CLEC12A: variants seen among roughly 807,000 people sequenced by gnomAD.
CLEC12A encodes C-type lectin protein CLL-1.
In CLEC12A, 22 loss-of-function variants were observed where a neutral mutation model predicts 26.5. The ratio of observed to expected loss-of-function variants is 0.83; its 90% CI spans 0.59 to 1.19. The LOEUF (loss-of-function observed/expected upper bound fraction) is 1.19. Ranked by LOEUF, CLEC12A falls within the 50% of genes most tolerant of loss-of-function variation. The pLI is 0.00. For synonymous variants in CLEC12A, 119 were observed against 101.9 expected, an observed-to-expected ratio of 1.17 and a Z score of -1.01; for missense variants, 353 against 315.6, an observed-to-expected ratio of 1.12 and a Z score of -0.90.
chr12:9,980,633 G>A lies in CLEC12A; in HGVS notation c.431G>A (p.Cys144Tyr), dbSNP rs1472904723. ...AGATGGATTTGGCATAAGGACAGCT[G>A]TTATTTCCTAAGTGATGATGTCCAA... ...PRRWIWHKDS[C>Y]YFLSDDVQTW... Residue 144 changes from cysteine (C) to tyrosine (Y), a missense_variant, in exon 4 of 6, where the codon TGT becomes TAT. By Grantham distance (194) the Cys-to-Tyr change is radical. Transcript: ENST00000304361. 2 of 1,613,760 alleles carry A rather than the reference G, an allele frequency of 1.2e-6. No homozygotes were observed. Among genetic ancestry groups the A allele is most frequent in the African/African-American group, 2.7e-5 (2 of 74,922 alleles).
At chr12:9,992,244 T>C (rs1232963843) in intron 4 of CLEC12A, 1 of 152,166 alleles carries the variant, frequency 6.6e-6, no homozygotes, top group Non-Finnish European at 1.5e-5. Flanking sequence ...TCCTTCTGTC[T>C]AGTAGCCTCT....
At chr12:9,956,730 G>T (rs528828144) in intron 1 of CLEC12A, among the ~76,000 whole-genome samples, 5 of 152,180 alleles carry the variant, frequency 3.3e-5, no homozygotes, top group Non-Finnish European at 5.9e-5. Context: ...AAATAAATTG[G>T]TCCTACTGTG....
intron 4 of CLEC12A, chr12:9,994,894 G>T (rs1864998081): frequency 1.0e-6 from 1 of 958,376 alleles, no homozygotes; most frequent in South Asian, 1.6e-5. Context: ...TGGTAAGGTT[G>T]AATGTAAAAA....
At chr12:9,966,367 G>A (rs1411664970) in intron 1 of CLEC12A, among the ~76,000 whole-genome samples, 1 of 151,320 alleles carries the variant, frequency 6.6e-6, no homozygotes, top group Admixed American at 6.6e-5. Context: ...GAAGGAGTCA[G>A]TCAGAGAGCC....
chr12:9,971,475 C>G lies in CLEC12A; in HGVS notation c.-122C>G. 2.8e-6 allele frequency: 4 copies of G among 1,414,888 alleles called. No homozygotes were observed. The highest frequency in any genetic ancestry group is 3.7e-6 in the Non-Finnish European group (4 of 1,086,284). 87.6% of individuals were successfully genotyped at this position (1,414,888 alleles called of 1,614,324 possible). A position where few individuals can be genotyped will look rare whatever the true frequency, so the allele number is the denominator to read the frequency against. ...ATAAACAGAAGTTTAAACTTGTAAGCTTAAGCTTCCGTTTATAAACAGAAG... is the reference window on the plus strand; with the variant it reads ...ATAAACAGAAGTTTAAACTTGTAAGGTTAAGCTTCCGTTTATAAACAGAAG... On this transcript the variant is annotated 5_prime_UTR_variant, in exon 1 of 6. Transcript: ENST00000304361.
chr12:9,961,705 TA>T (rs1418945122), intron 1 of CLEC12A, among the ~76,000 whole-genome samples: 1 of 144,610 alleles, frequency 6.9e-6, no homozygotes. Flanking sequence ...TTTTAATACA[TA>T]AGGCCTGTTA....
intron 5 of CLEC12A, chr12:9,983,385 A>G (rs947851212): frequency 1.8e-6 from 1 of 567,600 alleles, no homozygotes; most frequent in Non-Finnish European, 3.1e-6. Flanking sequence ...GTGTAGTATA[A>G]TGAGGAATGT....
At chr12:9,996,346 C>A (rs570828730), downstream of CLEC12A, among the ~76,000 whole-genome samples, 1 of 152,198 alleles carries the variant, frequency 6.6e-6, no homozygotes, top group Non-Finnish European at 1.5e-5. Context: ...AAATCTTCAA[C>A]CTGGCATCTG....
intron 5 of CLEC12A, 106 bp from the exon 6 acceptor site, chr12:9,984,764 A>T: frequency 1.9e-6 from 2 of 1,038,514 alleles, no homozygotes; most frequent in East Asian, 6.6e-5. Flanking sequence ...TTTAAACAAC[A>T]CAGAGTCTAG....
exon 5 of CLEC12A, chr12:9,995,634 A>G: frequency 3.8e-6 from 1 of 266,586 alleles, no homozygotes; most frequent in Non-Finnish European, 7.3e-6. Flanking sequence ...CTTAGAGTTA[A>G]AGCCCTACCT....
chr12:9,988,858 G>A (rs192083981), downstream of CLEC12A, among the ~76,000 whole-genome samples: 13 of 152,256 alleles, frequency 8.5e-5, no homozygotes, highest in African/African-American at 2.9e-4. Context: ...CCATCCCATT[G>A]CTGGGTATAT....
chr12:9,997,004 G>C (rs766613050), downstream of CLEC12A: 1 of 1,613,714 alleles, frequency 6.2e-7, no homozygotes, highest in South Asian at 1.1e-5. Flanking sequence ...TGACCTTCTG[G>C]AGAAACCAAG....
At chr12:10,002,342 G>C in the CLEC12A span, among the ~76,000 whole-genome samples, 2 of 149,728 alleles carry the variant, frequency 1.3e-5, no homozygotes. Context: ...TTGGTGCTGA[G>C]TATTCATGGA....
At chr12:9,985,894 C>A, downstream of CLEC12A, 1 of 162,436 alleles carries the variant, frequency 6.2e-6, no homozygotes. Flanking sequence ...AGCAACTAAA[C>A]TTGTTTTACC....
intron 1 of CLEC12A, among the ~76,000 whole-genome samples, chr12:9,958,303 C>A (rs1189419813): frequency 6.6e-6 from 1 of 152,164 alleles, no homozygotes; most frequent in Admixed American, 6.5e-5. Flanking sequence ...CAGATGGGTA[C>A]ATATAATCCG....
intron 1 of CLEC12A, among the ~76,000 whole-genome samples, chr12:9,972,323 T>G (rs1234763413): frequency 2.0e-5 from 3 of 152,174 alleles, no homozygotes; most frequent in Non-Finnish European, 2.9e-5. Flanking sequence ...CAAGTAACTT[T>G]GTATTTTTCA....
the CLEC12A span, among the ~76,000 whole-genome samples, chr12:10,003,532 G>T: frequency 1.1e-4 from 16 of 152,208 alleles, 1 homozygote; most frequent in Non-Finnish European, 2.4e-4. Context: ...TATTGACTAA[G>T]AGGAGAAAGG....
At chr12:10,005,372 A>G in the CLEC12A span, among the ~76,000 whole-genome samples, 57,431 of 151,758 alleles carry the variant, frequency 0.38, 11,148 homozygotes, top group African/African-American at 0.41. Context: ...CGTTGTGCTC[A>G]TGAGGATTGG....
downstream of CLEC12A, among the ~76,000 whole-genome samples, chr12:9,990,125 G>A (rs1384757913): frequency 6.6e-6 from 1 of 152,070 alleles, no homozygotes; most frequent in Non-Finnish European, 1.5e-5. Flanking sequence ...GTACCGGGAG[G>A]TTAATGTTTT....
Sources: allele counts gnomAD v4.1 joint callset (sites outside exome capture counted in the v4.1 genomes callset), GRCh38; gene constraint gnomAD v4.1.1; transcripts MANE v1.5; gene names NCBI Gene and HGNC (gene_info 2026-07-23, HGNC 2026-07-21).